ATXN7: variants seen among roughly 807,000 people sequenced by gnomAD.
ATXN7 encodes the protein ataxin-7.
Under a neutral mutation model 70.5 loss-of-function variants are expected in ATXN7, and 12 were observed. That is an observed-to-expected ratio of 0.17 (90% CI 0.11 to 0.28). The LOEUF (loss-of-function observed/expected upper bound fraction) is 0.28, where lower values mean the gene tolerates loss of function less well. ATXN7 is among the 10% of genes least tolerant of loss of function. The pLI, the probability that ATXN7 is intolerant of heterozygous loss-of-function variation, is 1.00. For synonymous variants in ATXN7, 498 were observed against 448.7 expected (o/e 1.11, Z -1.39); for missense variants, 1,256 against 1,131.7 (o/e 1.11, Z -1.58).
intron 1 of ATXN7, chr3:63,878,583 A>G (rs1702815567): frequency 1.3e-5 from 2 of 152,276 alleles, no homozygotes; most frequent in Non-Finnish European, 2.9e-5. Context: ...CTGGCAGGAA[A>G]CAGAGTCCAA....
chr3:63,994,184 C>G (rs895455964), intron 11 of ATXN7, among the ~76,000 whole-genome samples: 11 of 152,150 alleles, frequency 7.2e-5, no homozygotes, highest in African/African-American at 1.9e-4. Flanking sequence ...TTGAGAAGCA[C>G]TAACATCAGG....
At chr3:63,970,351 C>G (rs1353220230) in intron 5 of ATXN7, among the ~76,000 whole-genome samples, 3 of 152,124 alleles carry the variant, frequency 2.0e-5, no homozygotes, top group Non-Finnish European at 2.9e-5. Flanking sequence ...CCTTCAGGAA[C>G]TGAACTGATC....
At chr3:63,977,466 T>A (rs1261634564) in intron 5 of ATXN7, among the ~76,000 whole-genome samples, 1 of 152,208 alleles carries the variant, frequency 6.6e-6, no homozygotes, top group Non-Finnish European at 1.5e-5. Flanking sequence ...CTTCTTCATA[T>A]CACAGACATG....
intron 11 of ATXN7, 187 bp downstream of exon 11, chr3:63,991,046 T>C: frequency 2.5e-6 from 2 of 788,258 alleles, no homozygotes; most frequent in Non-Finnish European, 3.9e-6. Flanking sequence ...CATATTGTTG[T>C]GGGTGCTGGC....
chr3:63,957,998 C>A (rs1012266767), intron 5 of ATXN7, among the ~76,000 whole-genome samples: 4 of 152,212 alleles, frequency 2.6e-5, no homozygotes, highest in African/African-American at 9.6e-5. Context: ...TGAGCCACTA[C>A]TGATCACTGT....
At chr3:63,921,877 G>A (rs1294900554) in intron 4 of ATXN7, among the ~76,000 whole-genome samples, 1 of 152,190 alleles carries the variant, frequency 6.6e-6, no homozygotes, top group Non-Finnish European at 1.5e-5. Flanking sequence ...AGTGTCACAA[G>A]CACGCCTTTA....
intron 4 of ATXN7, 136 bp downstream of exon 4, chr3:63,913,361 G>A: frequency 1.1e-6 from 1 of 931,710 alleles, no homozygotes; most frequent in South Asian, 1.6e-5. Flanking sequence ...CCTGAGGAGG[G>A]AGGGAGGGGG....
At chr3:63,970,358 G>C (rs1334544069) in intron 5 of ATXN7, among the ~76,000 whole-genome samples, 2 of 152,064 alleles carry the variant, frequency 1.3e-5, no homozygotes. Context: ...GAACTGAACT[G>C]ATCACTCAGA....
intron 4 of ATXN7, among the ~76,000 whole-genome samples, chr3:63,916,788 C>T (rs1256154697): frequency 2.0e-5 from 3 of 152,162 alleles, no homozygotes; most frequent in African/African-American, 7.2e-5. Context: ...CAGAGGTCAA[C>T]CTAGTTTTGT....
chr3:63,952,392 T>C lies in ATXN7; in HGVS notation c.408T>C (p.Phe136=). Residue 136 remains phenylalanine, a synonymous_variant, in exon 5 of 13, where the codon TTT becomes TTC. Coordinates refer to ENST00000674280, the MANE Select transcript of ATXN7 (RefSeq NM_001377405.1). ...MGLCREDMPI[F]GFCPAHDDFY... The stretch of plus-strand genomic sequence containing the variant: ...TCTGTGTTGCAGACATGCCAATATT[T>C]GGTTTCTGTCCAGCCCATGATGATT... 3.1e-6 allele frequency: 5 copies of C among 1,609,794 alleles called. No homozygotes were observed. The highest frequency in any genetic ancestry group is 4.2e-6 in the Non-Finnish European group (5 of 1,178,624).
chr3:63,887,968 G>C (rs909675224), intron 1 of ATXN7, among the ~76,000 whole-genome samples: 2 of 149,964 alleles, frequency 1.3e-5, no homozygotes, highest in Non-Finnish European at 3.0e-5. Context: ...TACATATTGT[G>C]TGCTACCTAC....
At chr3:63,888,926 A>G (rs1703175443) in intron 1 of ATXN7, among the ~76,000 whole-genome samples, 2 of 152,184 alleles carry the variant, frequency 1.3e-5, no homozygotes, top group Admixed American at 1.3e-4. Context: ...CATAAATATG[A>G]TCTTTTAAAA....
At chr3:63,892,409 CACCCG>C (rs1703299426) in intron 1 of ATXN7, among the ~76,000 whole-genome samples, 1 of 121,236 alleles carries the variant, frequency 8.2e-6, no homozygotes, top group African/African-American at 2.7e-5. Flanking sequence ...CACACACACA[CACCCG>C]CCAACTCCTG....
chr3:63,988,182 C>A lies in ATXN7; in HGVS notation c.1219C>A (p.Pro407Thr). ...GATTCGCCATCCGGACTCTCAGCAA[C>A]CACCGCAGCCTCTCAGGGACCCGCA... is the stretch of plus-strand genomic sequence containing the variant. Reference protein sequence around the residue: ...ELIRHPDSQQPPQPLRDPHPA... With the variant: ...ELIRHPDSQQTPQPLRDPHPA... The change falls in exon 9 of 13, where the codon CCA (proline) becomes ACA (threonine). Residue 407 changes from proline (P) to threonine (T), a missense_variant. Transcript: ENST00000674280. 1 of 1,614,078 alleles carries A rather than the reference C, an allele frequency of 6.2e-7. No individual in the cohort carries two copies. Among genetic ancestry groups the A allele is most frequent in the East Asian group, 2.2e-5 (1 of 44,880 alleles).
intron 8 of ATXN7, among the ~76,000 whole-genome samples, chr3:63,986,644 C>A (rs1296720032): frequency 6.6e-6 from 1 of 152,098 alleles, no homozygotes; most frequent in African/African-American, 2.4e-5. Context: ...AGTTCCTGGT[C>A]TTTAGGTTAC....
At chr3:63,939,550 G>C (rs761316811) in intron 4 of ATXN7, among the ~76,000 whole-genome samples, 1 of 152,132 alleles carries the variant, frequency 6.6e-6, no homozygotes, top group Non-Finnish European at 1.5e-5. Flanking sequence ...CCAAAAATCT[G>C]CTCTGCCATA....
intron 5 of ATXN7, among the ~76,000 whole-genome samples, chr3:63,977,505 G>T (rs1228211940): frequency 6.6e-6 from 1 of 152,096 alleles, no homozygotes; most frequent in Non-Finnish European, 1.5e-5. Context: ...GTTTCAGGGG[G>T]TACACAAGGT....
chr3:63,997,604 G>C lies in ATXN7; in HGVS notation c.2661+1121G>C, dbSNP rs1382250242. 2.6e-6 allele frequency: 4 copies of C among 1,546,402 alleles called. No homozygotes were observed. In the South Asian group the frequency reaches 3.6e-5, roughly 14 times the overall value. On this transcript the variant is annotated intron_variant, in intron 12 of 12. Coordinates refer to ENST00000674280, the MANE Select transcript of ATXN7 (RefSeq NM_001377405.1). ...TAACTTCCAGCTCATCTCTCATCTT[G>C]TTATTTTATTCATCAGGATATCTCC...
At chr3:63,962,691 C>T (rs1437853503) in intron 5 of ATXN7, among the ~76,000 whole-genome samples, 1 of 152,064 alleles carries the variant, frequency 6.6e-6, no homozygotes, top group African/African-American at 2.4e-5. Context: ...AGGCGTGAAC[C>T]ACCATGCCTG....
Sources: gnomAD v4.1 joint callset for allele counts (sites outside exome capture counted in the v4.1 genomes callset) on GRCh38, gnomAD v4.1.1 for gene constraint, MANE v1.5 for transcripts, NCBI Gene and HGNC (gene_info 2026-07-23, HGNC 2026-07-21) for gene names.